OR10Z1: variants seen among roughly 807,000 people sequenced by gnomAD.
The protein encoded by OR10Z1 is olfactory receptor family 10 subfamily Z member 1, also known as olfactory receptor 10Z1.
For synonymous variants in OR10Z1, 187 were observed against 151.2 expected, an observed-to-expected ratio of 1.24 and a Z score of -1.74; for missense variants, 468 against 371.0, an observed-to-expected ratio of 1.26 and a Z score of -2.15.
chr1:158,607,007 G>C lies in OR10Z1; in HGVS notation c.569G>C (p.Gly190Ala), dbSNP rs764355400. Residue 190 changes from glycine (G) to alanine (A), a missense_variant, in exon 2 of 2, where the codon GGA (glycine) becomes GCA (alanine). Transcript: ENST00000641002. ...DTPPVLSLAC[G>A]DTGPSELRIF... is the part of the protein sequence containing the mutation. ...CCACCTGTGCTGAGCCTAGCCTGTG[G>C]AGATACAGGCCCGAGTGAGCTGAGG... is the stretch of plus-strand genomic sequence containing the variant. 4 of 1,613,980 alleles carry C rather than the reference G, an allele frequency of 2.5e-6. No homozygotes were observed. Among genetic ancestry groups the C allele is most frequent in the South Asian group, 2.2e-5 (2 of 91,072 alleles).
rs897409456 is a variant in OR10Z1 at position 158,607,575 on chromosome 1, T to A, written c.*195T>A. ...GCGGGGCTTCCTGCTCTGCTCACTGTGCACAACTCAAAATGAGCCCAAAAT... is the reference window on the plus strand; with the variant it reads ...GCGGGGCTTCCTGCTCTGCTCACTGAGCACAACTCAAAATGAGCCCAAAAT... On this transcript the variant is annotated 3_prime_UTR_variant, in exon 2 of 2. Coordinates refer to ENST00000641002, the MANE Select transcript of OR10Z1 (RefSeq NM_001004478.2). 8.7e-6 allele frequency: 4 copies of A among 457,178 alleles called. No individual in the cohort carries two copies. Among genetic ancestry groups the A allele is most frequent in the Non-Finnish European group, 1.5e-5 (4 of 261,498 alleles). The allele number at this position is 457,178 out of a possible 1,614,324, so 28.3% of individuals were successfully genotyped here.
Position 158,611,485 on chromosome 1 carries a change from A to G in OR10Z1, c.*4105A>G, listed in dbSNP as rs1236249343. On this transcript the variant is annotated 3_prime_UTR_variant, in exon 2 of 2. Coordinates refer to ENST00000641002, the MANE Select transcript of OR10Z1 (RefSeq NM_001004478.2). ...ATTACGCCATAAATGCAGGAGATGG[A>G]GAGTCTCTGGAAGACGCAAGCCCTA... 2 of 1,469,810 alleles carry G rather than the reference A, an allele frequency of 1.4e-6. No individual in the cohort carries two copies. The highest frequency in any genetic ancestry group is 3.5e-5 in the Admixed American group (2 of 57,776). 91.0% of individuals were successfully genotyped at this position (1,469,810 alleles called of 1,614,324 possible).
In OR10Z1 at chr1:158,611,506, C is replaced by A. The variant is rs1571363834; in HGVS notation, c.*4126C>A. 5 of 1,194,642 alleles carry A rather than the reference C, an allele frequency of 4.2e-6. No individual in the cohort carries two copies. In the East Asian group the frequency reaches 1.0e-4, roughly 24 times the overall value. 74.0% of individuals were successfully genotyped at this position (1,194,642 alleles called of 1,614,324 possible). A position where few individuals can be genotyped will look rare whatever the true frequency, so the allele number is the denominator to read the frequency against. On this transcript the variant is annotated 3_prime_UTR_variant, in exon 2 of 2. Transcript: ENST00000641002. The stretch of plus-strand genomic sequence containing the variant: ...ATGGAGAGTCTCTGGAAGACGCAAG[C>A]CCTATTTCTATTACACACAATTTTT...
rs1257617504 is a variant in OR10Z1, at chr1:158,606,948, C to T, written c.510C>T (p.Ser170=). The change falls in exon 2 of 2, where the codon AGC becomes AGT. Residue 170 remains serine (S), a synonymous_variant. Transcript: ENST00000641002. ...TLVIFHLSFC[S]SHEIQHFFCD... ...TTATTTTCCACCTCTCATTCTGCAG[C>T]TCCCATGAAATCCAGCACTTTTTTT... is the stretch of plus-strand genomic sequence containing the variant. The T allele has an allele frequency of 6.2e-7, 1 of 1,613,986 alleles. No individual in the cohort carries two copies. The highest frequency in any genetic ancestry group is 8.5e-7 in the Non-Finnish European group (1 of 1,179,996).
At position 158,606,769 on chromosome 1, in the gene OR10Z1, A is replaced by G; in HGVS notation, c.331A>G (p.Asn111Asp). The G allele has an allele frequency of 2.5e-6, 4 of 1,613,930 alleles. No individual in the cohort carries two copies. Among genetic ancestry groups the G allele is most frequent in the Non-Finnish European group, 3.4e-6 (4 of 1,179,938 alleles). The change falls in exon 2 of 2, where the codon AAC becomes GAC. Residue 111 changes from asparagine (N) to aspartate (D), a missense_variant. By Grantham distance (23) the Asn-to-Asp change is conservative. Transcript: ENST00000641002. ...MFFSASWACT[N>D]CFLLAAMGFD... The stretch of plus-strand genomic sequence containing the variant: ...CTTTTCTGCCTCATGGGCCTGTACT[A>G]ACTGCTTCCTTCTGGCTGCCATGGG...
chr1:158,606,828 C>G lies in OR10Z1; in HGVS notation c.390C>G (p.Leu130=), dbSNP rs762893016. 11 of 1,613,884 alleles carry G rather than the reference C, an allele frequency of 6.8e-6. No homozygotes were observed. In the East Asian group the frequency reaches 2.5e-4, roughly 36 times the overall value. ...FDRYVAICAP[L]HYASHMNPTL... is the part of the protein sequence containing the mutation. ...GATATGTGGCCATCTGTGCTCCACT[C>G]CACTATGCCAGCCACATGAATCCTA... Residue 130 remains leucine (L), a synonymous_variant, in exon 2 of 2, where the codon CTC becomes CTG. Transcript: ENST00000641002.
chr1:158,611,485 AG>A lies in OR10Z1; in HGVS notation c.*4106del. ...ATTACGCCATAAATGCAGGAGATGGAGAGTCTCTGGAAGACGCAAGCCCTAT... is the reference window on the plus strand; with the variant it reads ...ATTACGCCATAAATGCAGGAGATGGAAGTCTCTGGAAGACGCAAGCCCTAT... On this transcript the variant is annotated 3_prime_UTR_variant, in exon 2 of 2. Transcript: ENST00000641002. 6.8e-7 allele frequency: 1 copy of A among 1,469,928 alleles called. No homozygotes were observed. 91.1% of individuals were successfully genotyped at this position (1,469,928 alleles called of 1,614,324 possible).
rs1011322812 is a variant in OR10Z1, at chr1:158,610,152, T to C, written c.*2772T>C. 7.2e-5 allele frequency: 11 copies of C among 152,180 alleles called. No individual in the cohort carries two copies. Among genetic ancestry groups the C allele is most frequent in the Non-Finnish European group, 1.6e-4 (11 of 68,024 alleles). 9.4% of individuals were successfully genotyped at this position (152,180 alleles called of 1,614,324 possible). ...CTTTTTAGCTTTAACCAACTTTTTGTTTAAAAAAGGCTCCTATGACAGGAT... is the reference window on the plus strand; with the variant it reads ...CTTTTTAGCTTTAACCAACTTTTTGCTTAAAAAAGGCTCCTATGACAGGAT... On this transcript the variant is annotated 3_prime_UTR_variant, in exon 2 of 2. Coordinates refer to ENST00000641002, the MANE Select transcript of OR10Z1 (RefSeq NM_001004478.2).
Position 158,609,497 on chromosome 1 carries a change from G to A in OR10Z1, c.*2117G>A, listed in dbSNP as rs1446557956. The stretch of plus-strand genomic sequence containing the variant: ...CAGCATAACATTGACTAAATGCACA[G>A]TGACGAATGGTTAGTAAGGATGTTT... On this transcript the variant is annotated 3_prime_UTR_variant, in exon 2 of 2. Coordinates refer to ENST00000641002, the MANE Select transcript of OR10Z1 (RefSeq NM_001004478.2). 6.6e-6 allele frequency: 1 copy of A among 152,158 alleles called. No individual in the cohort carries two copies. Among genetic ancestry groups the A allele is most frequent in the Non-Finnish European group, 1.5e-5 (1 of 68,018 alleles). 9.4% of individuals were successfully genotyped at this position (152,158 alleles called of 1,614,324 possible). A position where few individuals can be genotyped will look rare whatever the true frequency, so the allele number is the denominator to read the frequency against.
chr1:158,607,645 G>A lies in OR10Z1; in HGVS notation c.*265G>A, dbSNP rs551356215. The A allele has an allele frequency of 1.1e-5, 4 of 364,504 alleles. No homozygotes were observed. The East Asian group carries it at 1.2e-4, about 11-fold the overall frequency. The allele number at this position is 364,504 out of a possible 1,614,324, so 22.6% of individuals were successfully genotyped here. On this transcript the variant is annotated 3_prime_UTR_variant, in exon 2 of 2. Coordinates refer to ENST00000641002, the MANE Select transcript of OR10Z1 (RefSeq NM_001004478.2). ...CTCCTAGATGCCACCCCTAGTTACTGAAACCCATTGAGAATTAAAAATTTA... is the reference window on the plus strand; with the variant it reads ...CTCCTAGATGCCACCCCTAGTTACTAAAACCCATTGAGAATTAAAAATTTA...
In OR10Z1 at chr1:158,606,621, C is replaced by T; in HGVS notation, c.183C>T (p.Leu61=). 6.2e-7 allele frequency: 1 copy of T among 1,613,786 alleles called. No individual in the cohort carries two copies. The highest frequency in any genetic ancestry group is 8.5e-7 in the Non-Finnish European group (1 of 1,179,708). ...GCCATCTGCACACCCCCATGTACCT[C>T]TTCCTTTCCTTCCTATCCTTCTCTG... ...LDSHLHTPMY[L]FLSFLSFSET... Residue 61 remains leucine (L), a synonymous_variant, in exon 2 of 2, where the codon CTC becomes CTT. Coordinates refer to ENST00000641002, the MANE Select transcript of OR10Z1 (RefSeq NM_001004478.2).
chr1:158,606,300 G>A (rs761325223), intron 1 of OR10Z1, 26 bp from the exon 2 acceptor site: 6 of 624,306 alleles, frequency 9.6e-6, no homozygotes, highest in Non-Finnish European at 1.4e-5. Flanking sequence ...TTTGAGTAGA[G>A]TCTAAATCAG....
At chr1:158,606,229 T>A in intron 1 of OR10Z1, 97 bp from the exon 2 acceptor site, 1 of 576,564 alleles carries the variant, frequency 1.7e-6, no homozygotes, top group Non-Finnish European at 3.1e-6. Flanking sequence ...TATATGTACA[T>A]ACAGTCATAT....
chr1:158,606,510 G>C lies in OR10Z1; in HGVS notation c.72G>C (p.Gln24His). The C allele has an allele frequency of 1.9e-6, 3 of 1,613,964 alleles. No individual in the cohort carries two copies. Among genetic ancestry groups the C allele is most frequent in the Non-Finnish European group, 2.5e-6 (3 of 1,179,908 alleles). ...GCTTCTCCAGTTCTGGGGAGTTGCA[G>C]CTCCTTCTCTTTGCCTTGTTCCTCT... ...FLGFSSSGEL[Q>H]LLLFALFLSL... Residue 24 changes from glutamine (Q) to histidine (H), a missense_variant, in exon 2 of 2, where the codon CAG (glutamine) becomes CAC (histidine). Physicochemically the swap from Gln to His is conservative, Grantham distance 24. Coordinates refer to ENST00000641002, the MANE Select transcript of OR10Z1 (RefSeq NM_001004478.2).
Position 158,609,964 on chromosome 1 carries a change from T to A in OR10Z1, c.*2584T>A, listed in dbSNP as rs918526940. 6.6e-6 allele frequency: 1 copy of A among 152,230 alleles called. No homozygotes were observed. Among genetic ancestry groups the A allele is most frequent in the Non-Finnish European group, 1.5e-5 (1 of 68,024 alleles). The allele number at this position is 152,230 out of a possible 1,614,324, so 9.4% of individuals were successfully genotyped here. On this transcript the variant is annotated 3_prime_UTR_variant, in exon 2 of 2. Transcript: ENST00000641002. ...AACAATGCTAATTTTCGATGGCCTATATCTTTTCTAACTGTACTATTTTTG... is the reference window on the plus strand; with the variant it reads ...AACAATGCTAATTTTCGATGGCCTAAATCTTTTCTAACTGTACTATTTTTG...
rs765120486 is a variant in OR10Z1 at position 158,606,530 on chromosome 1, T to G, written c.92T>G (p.Phe31Cys). 3.1e-5 allele frequency: 50 copies of G among 1,613,882 alleles called. No homozygotes were observed. Among genetic ancestry groups the G allele is most frequent in the Non-Finnish European group, 4.2e-5 (49 of 1,179,916 alleles). Residue 31 changes from phenylalanine (F) to cysteine (C), a missense_variant, in exon 2 of 2, where the codon TTC (phenylalanine) becomes TGC (cysteine). Physicochemically the swap from Phe to Cys is radical, Grantham distance 205 (BLOSUM62 -2). Transcript: ENST00000641002. ...TTGCAGCTCCTTCTCTTTGCCTTGT[T>G]CCTCTCTCTGTATCTAGTCACTCTG... is the stretch of plus-strand genomic sequence containing the variant. ...GELQLLLFAL[F>C]LSLYLVTLTS...
At position 158,607,602 on chromosome 1, in the gene OR10Z1, T is replaced by C; in HGVS notation, c.*222T>C. Reference sequence around the variant, plus strand: ...CACAACTCAAAATGAGCCCAAAATCTGAATTTTAACTTTCAGCCTCCTAGA... The same window carrying C: ...CACAACTCAAAATGAGCCCAAAATCCGAATTTTAACTTTCAGCCTCCTAGA... On this transcript the variant is annotated 3_prime_UTR_variant, in exon 2 of 2. Coordinates refer to ENST00000641002, the MANE Select transcript of OR10Z1 (RefSeq NM_001004478.2). 2.4e-6 allele frequency: 1 copy of C among 414,962 alleles called. No homozygotes were observed. The highest frequency in any genetic ancestry group is 3.9e-5 in the Admixed American group (1 of 25,494). 25.7% of individuals were successfully genotyped at this position (414,962 alleles called of 1,614,324 possible).
rs776016510 is a variant in OR10Z1 at position 158,609,812 on chromosome 1, T to A, written c.*2432T>A. The A allele has an allele frequency of 6.6e-6, 1 of 152,170 alleles. No individual in the cohort carries two copies. Among genetic ancestry groups the A allele is most frequent in the Non-Finnish European group, 1.5e-5 (1 of 68,014 alleles). The allele number at this position is 152,170 out of a possible 1,614,324, so 9.4% of individuals were successfully genotyped here. The stretch of plus-strand genomic sequence containing the variant: ...TTTGACCCACTAAATGACTAATAAT[T>A]TGATTTAGGCCTTGAAAATTTTTGG... On this transcript the variant is annotated 3_prime_UTR_variant, in exon 2 of 2. Coordinates refer to ENST00000641002, the MANE Select transcript of OR10Z1 (RefSeq NM_001004478.2).
At position 158,611,755 on chromosome 1, in the gene OR10Z1, G is replaced by C; in HGVS notation, c.*4375G>C. 4.2e-6 allele frequency: 1 copy of C among 240,114 alleles called. No homozygotes were observed. Among genetic ancestry groups the C allele is most frequent in the East Asian group, 1.2e-4 (1 of 8,344 alleles). 14.9% of individuals were successfully genotyped at this position (240,114 alleles called of 1,614,324 possible). ...GGGACTAGCATGTTTTATGAGTAAGGTAAAATACTCAAGAAGGTAGAATAA... is the reference window on the plus strand; with the variant it reads ...GGGACTAGCATGTTTTATGAGTAAGCTAAAATACTCAAGAAGGTAGAATAA... On this transcript the variant is annotated 3_prime_UTR_variant, in exon 2 of 2. Transcript: ENST00000641002.
Sources: allele counts gnomAD v4.1 joint callset, GRCh38; gene constraint gnomAD v4.1.1; transcripts MANE v1.5; gene names NCBI Gene and HGNC (gene_info 2026-07-23, HGNC 2026-07-21).